KIAA1671: variants seen among roughly 807,000 people sequenced by gnomAD.
The protein encoded by KIAA1671 is uncharacterized protein KIAA1671.
A neutral mutation model predicts 131.2 loss-of-function variants in KIAA1671; 52 were observed. The observed-to-expected ratio is 0.40, with a 90% confidence interval of 0.32 to 0.50. The LOEUF is 0.50. Among genes scored for constraint, KIAA1671 ranks in the 20% least tolerant of loss-of-function variants. The pLI is 0.73. For synonymous variants in KIAA1671, 1,003 were observed against 961.6 expected (o/e 1.04, Z -0.80); for missense variants, 2,360 against 2,364.2 (o/e 1.00, Z 0.04).
At chr22:25,001,678 C>T (rs918185329) in intron 1 of KIAA1671, among the ~76,000 whole-genome samples, 3 of 152,046 alleles carry the variant, frequency 2.0e-5, no homozygotes, top group Admixed American at 1.3e-4. Flanking sequence ...CTTTAGGGCA[C>T]TTTCTATTTT....
Position 25,071,223 on chromosome 22 carries a change from A to G in KIAA1671, c.4530+21859A>G, listed in dbSNP as rs185902395. 4.6e-5 allele frequency among the ~76,000 whole-genome samples: 7 copies of G among 152,352 alleles called. No individual in the cohort carries two copies. In the East Asian group the frequency reaches 7.7e-4, roughly 17 times the overall value. On this transcript the variant is annotated intron_variant, in intron 6 of 12. Transcript: ENST00000358431. ...CTCAGAGTTTTCCAGAATATTTGCC[A>G]CTGGTTTCAGCACACCCAAAAGGGA...
Position 25,038,872 on chromosome 22 carries a change from A to G in KIAA1671, c.1742A>G (p.Asp581Gly). Residue 581 changes from aspartate (D) to glycine (G), a missense_variant, in exon 5 of 13, where the codon GAC becomes GGC. Asp to Gly is a moderately conservative substitution (Grantham distance 94). This residue lies in a region of KIAA1671 where 1,185 missense variants were observed against 1,126.2 expected (regional missense o/e 1.05). Coordinates refer to ENST00000358431, the MANE Select transcript of KIAA1671 (RefSeq NM_001145206.2). ...GAGCAGAAGGTTAGCTCTAACCAAG[A>G]CCCCGACAGCTGTCGCGGTGGAAGC... is the stretch of plus-strand genomic sequence containing the variant. ...QTEQKVSSNQ[D>G]PDSCRGGSSV... 6.4e-7 allele frequency: 1 copy of G among 1,551,612 alleles called. No individual in the cohort carries two copies. Among genetic ancestry groups the G allele is most frequent in the Non-Finnish European group, 8.7e-7 (1 of 1,146,974 alleles).
At chr22:25,036,451 A>T (rs921680342) in intron 4 of KIAA1671, among the ~76,000 whole-genome samples, 11 of 152,190 alleles carry the variant, frequency 7.2e-5, no homozygotes, top group African/African-American at 2.7e-4. Context: ...TTTTAAAGAA[A>T]AATAATGAAT....
chr22:25,029,246 T>C lies in KIAA1671; in HGVS notation c.1247T>C (p.Val416Ala). The change falls in exon 3 of 13, where the codon GTT (valine) becomes GCT (alanine). Residue 416 changes from valine to alanine, a missense_variant. Physicochemically the swap from Val to Ala is moderately conservative, Grantham distance 64. This residue lies in a region of KIAA1671 where 1,185 missense variants were observed against 1,126.2 expected (regional missense o/e 1.05). Coordinates refer to ENST00000358431, the MANE Select transcript of KIAA1671 (RefSeq NM_001145206.2). ...RLGRGLELAE[V>A]KSRVADGEAA... is the part of the protein sequence containing the mutation. Reference sequence around the variant, plus strand: ...GGAAGGGGCCTAGAACTTGCTGAGGTTAAGAGCAGAGTGGCGGATGGGGAG... The same window carrying C: ...GGAAGGGGCCTAGAACTTGCTGAGGCTAAGAGCAGAGTGGCGGATGGGGAG... The C allele has an allele frequency of 6.7e-7, 1 of 1,487,764 alleles. No individual in the cohort carries two copies. 92.2% of individuals were successfully genotyped at this position (1,487,764 alleles called of 1,614,324 possible). A position where few individuals can be genotyped will look rare whatever the true frequency, so the allele number is the denominator to read the frequency against.
chr22:25,020,837 G>C (rs1211938646), intron 1 of KIAA1671, among the ~76,000 whole-genome samples: 1 of 152,198 alleles, frequency 6.6e-6, no homozygotes, highest in African/African-American at 2.4e-5. Context: ...ACAGACAGAT[G>C]GGGTGGTGTC....
chr22:25,117,870 G>A (rs984882424), intron 6 of KIAA1671, among the ~76,000 whole-genome samples: 3 of 151,984 alleles, frequency 2.0e-5, no homozygotes, highest in African/African-American at 7.2e-5. Context: ...GCCGGGTGTG[G>A]TGACTCACCT....
chr22:25,161,421 G>A (rs1354911398), intron 6 of KIAA1671, among the ~76,000 whole-genome samples: 1 of 152,268 alleles, frequency 6.6e-6, no homozygotes, highest in Non-Finnish European at 1.5e-5. Context: ...TGGGCCCGTG[G>A]AGGCAGCATC....
intron 1 of KIAA1671, among the ~76,000 whole-genome samples, chr22:24,986,026 A>T (rs1346305761): frequency 6.6e-6 from 1 of 152,154 alleles, no homozygotes. Flanking sequence ...TGTGAAAGAC[A>T]GGAGTTAAAT....
chr22:25,041,129 C>T lies in KIAA1671; in HGVS notation c.3999C>T (p.Ala1333=). 6.4e-7 allele frequency: 1 copy of T among 1,550,412 alleles called. No individual in the cohort carries two copies. The highest frequency in any genetic ancestry group is 8.7e-7 in the Non-Finnish European group (1 of 1,146,186). The change falls in exon 5 of 13, where the codon GCC becomes GCT. Residue 1333 remains alanine (A), a synonymous_variant. Coordinates refer to ENST00000358431, the MANE Select transcript of KIAA1671 (RefSeq NM_001145206.2). Reference sequence around the variant, plus strand: ...CTGAGGATGACAGAAAGGCCTTTGCCAGTAAACATCATGTTGCAAAGTGTC... The same window carrying T: ...CTGAGGATGACAGAAAGGCCTTTGCTAGTAAACATCATGTTGCAAAGTGTC... The part of the protein sequence containing the change: ...GFAEDDRKAF[A]SKHHVAKCQN...
At chr22:25,141,710 A>G (rs910022115) in intron 6 of KIAA1671, among the ~76,000 whole-genome samples, 1 of 152,124 alleles carries the variant, frequency 6.6e-6, no homozygotes, top group Non-Finnish European at 1.5e-5. Flanking sequence ...GGAACAGCCA[A>G]TCCAGGCCTA....
intron 6 of KIAA1671, among the ~76,000 whole-genome samples, chr22:25,118,998 G>T (rs1931811419): frequency 6.6e-6 from 1 of 152,106 alleles, no homozygotes; most frequent in Non-Finnish European, 1.5e-5. Context: ...TTCTTCCTGG[G>T]ACCTATCTCA....
At chr22:25,166,905 C>T (rs1295061424) in intron 6 of KIAA1671, among the ~76,000 whole-genome samples, 5 of 152,288 alleles carry the variant, frequency 3.3e-5, no homozygotes, top group African/African-American at 1.2e-4. Flanking sequence ...CAGCATCCAC[C>T]TTGCAGCCTC....
Position 25,133,225 on chromosome 22 carries a change from G to T in KIAA1671, c.4531-37595G>T, listed in dbSNP as rs575189371. Among the ~76,000 whole-genome samples the T allele has an allele frequency of 8.5e-5, 13 of 152,332 alleles. No homozygotes were observed. In the East Asian group the frequency reaches 2.3e-3, roughly 27 times the overall value. ...TGTATTTCTGAGATCTCAGATGAGA[G>T]AATTGTTGCAGATTTGCTCACTGAC... On this transcript the variant is annotated intron_variant, in intron 6 of 12. Transcript: ENST00000358431.
At chr22:24,999,104 C>G (rs572303335) in intron 1 of KIAA1671, among the ~76,000 whole-genome samples, 1 of 152,110 alleles carries the variant, frequency 6.6e-6, no homozygotes, top group Non-Finnish European at 1.5e-5. Flanking sequence ...CCAAAATGTT[C>G]GTGCCAATTT....
intron 6 of KIAA1671, among the ~76,000 whole-genome samples, chr22:25,103,205 C>G (rs1022920594): frequency 7.4e-6 from 1 of 135,254 alleles, no homozygotes; most frequent in Non-Finnish European, 1.5e-5. Flanking sequence ...AGTCCCCCCC[C>G]AACCGCCTTT....
At chr22:25,150,493 C>T (rs1356283343) in intron 6 of KIAA1671, among the ~76,000 whole-genome samples, 1 of 152,198 alleles carries the variant, frequency 6.6e-6, no homozygotes, top group Admixed American at 6.5e-5. Context: ...GTGGAATTTT[C>T]AGGAAGGTGC....
chr22:25,123,601 A>G (rs1932048047), intron 6 of KIAA1671, among the ~76,000 whole-genome samples: 1 of 152,150 alleles, frequency 6.6e-6, no homozygotes, highest in Admixed American at 6.5e-5. Context: ...GCAGCCCTGT[A>G]GAGAGGCCCA....
intron 6 of KIAA1671, among the ~76,000 whole-genome samples, chr22:25,117,630 CACACACAG>C (rs1469817616): frequency 3.3e-5 from 5 of 150,900 alleles, no homozygotes; most frequent in Non-Finnish European, 7.4e-5. Flanking sequence ...CACACACACA[CACACACAG>C]ACACACTGCT....
At chr22:25,182,022 G>A (rs1934296541) in intron 10 of KIAA1671, among the ~76,000 whole-genome samples, 199 bp downstream of exon 10, 1 of 151,880 alleles carries the variant, frequency 6.6e-6, no homozygotes, top group East Asian at 1.9e-4. Context: ...CTAAAAAATA[G>A]AAAAAAATTA....
Sources: allele counts gnomAD v4.1 joint callset (sites outside exome capture counted in the v4.1 genomes callset), GRCh38; gene constraint gnomAD v4.1.1; regional missense constraint gnomAD v4.1.1; transcripts MANE v1.5; gene names NCBI Gene and HGNC (gene_info 2026-07-23, HGNC 2026-07-21).